Variants in CDK13 observed in about 807,000 individuals in gnomAD.
CDK13 encodes cyclin dependent kinase 13.
Under a neutral mutation model 137.6 loss-of-function variants are expected in CDK13, and 40 were observed. The observed-to-expected ratio is 0.29, with a 90% CI of 0.23 to 0.38. The LOEUF (loss-of-function observed/expected upper bound fraction) is 0.38. Among genes scored for constraint, CDK13 ranks in the 10% least tolerant of loss-of-function variants. The probability of loss-of-function intolerance (pLI) is 1.00; values close to 1 mark genes in which losing one functional copy is unlikely to be tolerated. For synonymous variants in CDK13, 869 were observed against 760.1 expected (o/e 1.14, Z -2.36); for missense variants, 1,704 against 1,951.8 (o/e 0.87, Z 2.39).
At chr7:40,069,512 G>T in intron 9 of CDK13, 1 of 308,832 alleles carries the variant, frequency 3.2e-6, no homozygotes, top group South Asian at 2.9e-5. Context: ...CATGCTTAGG[G>T]TTGTGAGAAT....
intron 1 of CDK13, among the ~76,000 whole-genome samples, chr7:39,962,485 T>G (rs1361802829): frequency 6.6e-6 from 1 of 152,216 alleles, no homozygotes; most frequent in African/African-American, 2.4e-5. Flanking sequence ...ATGGGGTTGT[T>G]TTTTTCTTGT....
At chr7:40,058,627 G>T (rs897636742) in intron 7 of CDK13, among the ~76,000 whole-genome samples, 30 of 152,138 alleles carry the variant, frequency 2.0e-4, no homozygotes, top group African/African-American at 7.0e-4. Flanking sequence ...TTAAGATATT[G>T]TTGTGGTCAT....
intron 5 of CDK13, among the ~76,000 whole-genome samples, chr7:40,011,483 C>T (rs926970076): frequency 2.0e-5 from 3 of 152,172 alleles, no homozygotes; most frequent in African/African-American, 7.2e-5. Context: ...ATTAATTCCA[C>T]ACATTTTATA....
chr7:40,058,714 G>C (rs1189014719), intron 7 of CDK13, among the ~76,000 whole-genome samples: 1 of 152,050 alleles, frequency 6.6e-6, no homozygotes, highest in African/African-American at 2.4e-5. Flanking sequence ...GGCAGAAGTT[G>C]TTTGGAAATT....
At chr7:40,062,765 C>T (rs1213537698) in intron 7 of CDK13, 61 bp from the exon 8 acceptor site, 1 of 1,166,154 alleles carries the variant, frequency 8.6e-7, no homozygotes, top group African/African-American at 1.5e-5. Context: ...AATATTTCCT[C>T]AGAGAATCTG....
chr7:39,977,014 G>A (rs1047798341), intron 1 of CDK13, among the ~76,000 whole-genome samples: 1 of 152,170 alleles, frequency 6.6e-6, no homozygotes, highest in East Asian at 1.9e-4. Context: ...GAAGTTAAGA[G>A]TTATCATAAG....
At chr7:40,086,233 C>T (rs887865030) in intron 11 of CDK13, among the ~76,000 whole-genome samples, 5 of 152,142 alleles carry the variant, frequency 3.3e-5, no homozygotes, top group African/African-American at 1.2e-4. Context: ...CTTGCTTAAA[C>T]AAGCAGGCCA....
intron 5 of CDK13, among the ~76,000 whole-genome samples, chr7:40,023,084 T>TA (rs1785161152): frequency 6.6e-6 from 1 of 151,512 alleles, no homozygotes. Context: ...TAGTACAACT[T>TA]ATACTTAACT....
At chr7:39,976,588 A>G (rs1373086568) in intron 1 of CDK13, among the ~76,000 whole-genome samples, 3 of 151,912 alleles carry the variant, frequency 2.0e-5, no homozygotes, top group Admixed American at 6.6e-5. Context: ...CATGGGGCAT[A>G]TATTCTAATA....
chr7:40,021,232 C>G (rs1297932760), intron 5 of CDK13, among the ~76,000 whole-genome samples: 1 of 152,012 alleles, frequency 6.6e-6, no homozygotes, highest in Non-Finnish European at 1.5e-5. Flanking sequence ...CGCGGTGGCT[C>G]ACGCCTGTAA....
chr7:40,040,337 G>A (rs1455127429), intron 5 of CDK13, among the ~76,000 whole-genome samples: 3 of 152,106 alleles, frequency 2.0e-5, no homozygotes, highest in Admixed American at 2.0e-4. Context: ...TTATCATATA[G>A]TAAAGGTCCA....
At chr7:40,064,412 G>T (rs1786231423) in intron 9 of CDK13, among the ~76,000 whole-genome samples, 1 of 151,996 alleles carries the variant, frequency 6.6e-6, no homozygotes, top group East Asian at 1.9e-4. Context: ...TATTGATAGG[G>T]GGTACAGATT....
At chr7:40,035,472 C>T (rs1785461787) in intron 5 of CDK13, among the ~76,000 whole-genome samples, 2 of 152,116 alleles carry the variant, frequency 1.3e-5, no homozygotes, top group African/African-American at 2.4e-5. Context: ...GCTCTTCCTG[C>T]TGTCAGATCA....
At chr7:40,018,762 G>A (rs1785053741) in intron 5 of CDK13, among the ~76,000 whole-genome samples, 1 of 152,138 alleles carries the variant, frequency 6.6e-6, no homozygotes, top group African/African-American at 2.4e-5. Flanking sequence ...CAGAAAGGGG[G>A]AGAGTGGGAG....
chr7:39,978,747 T>A (rs1489958907), intron 1 of CDK13, among the ~76,000 whole-genome samples: 1 of 152,184 alleles, frequency 6.6e-6, no homozygotes, highest in Non-Finnish European at 1.5e-5. Context: ...GACACAGCAT[T>A]TCTGACAAGC....
chr7:40,034,017 C>T (rs1490072654), intron 5 of CDK13, among the ~76,000 whole-genome samples: 5 of 152,112 alleles, frequency 3.3e-5, no homozygotes, highest in South Asian at 2.1e-4. Flanking sequence ...TGAAGTCAGG[C>T]CTTGTTAAGG....
At position 40,095,967 on chromosome 7, in the gene CDK13, T is replaced by C. The variant is rs2150549682; in HGVS notation, c.*987T>C. 1 of 152,306 alleles carries C rather than the reference T, an allele frequency of 6.6e-6. No individual in the cohort carries two copies. Among genetic ancestry groups the C allele is most frequent in the Admixed American group, 6.5e-5 (1 of 15,296 alleles). 9.4% of individuals were successfully genotyped at this position (152,306 alleles called of 1,614,324 possible). A position where few individuals can be genotyped will look rare whatever the true frequency, so the allele number is the denominator to read the frequency against. Reference sequence around the variant, plus strand: ...TGAGAAGTTCTACAAAGTTTTGTCATTTAAATGGTTGAAAGTAATAGCTCC... The same window carrying C: ...TGAGAAGTTCTACAAAGTTTTGTCACTTAAATGGTTGAAAGTAATAGCTCC... On this transcript the variant is annotated 3_prime_UTR_variant, in exon 14 of 14. Coordinates refer to ENST00000181839, the MANE Select transcript of CDK13 (RefSeq NM_003718.5).
intron 5 of CDK13, among the ~76,000 whole-genome samples, chr7:40,042,463 CTTTTCTTTTCTTTCTTTTTTTTT>C (rs1486031436): frequency 1.0e-4 from 14 of 140,274 alleles, no homozygotes; most frequent in African/African-American, 2.9e-4. Context: ...CCAGTTTGTC[CTTTTCTTTTCTTTCTTTTTTTTT>C]TTTTTTTTTT....
At chr7:39,991,484 AGTGTGTGTGTGTGT>A (rs66520870) in intron 2 of CDK13, among the ~76,000 whole-genome samples, 11 of 143,668 alleles carry the variant, frequency 7.7e-5, no homozygotes, top group South Asian at 6.8e-4. Context: ...CATTAGCAAA[AGTGTGTGTGTGTGT>A]GTGTGTGTGT....
Sources: allele counts gnomAD v4.1 joint callset (sites outside exome capture counted in the v4.1 genomes callset), GRCh38; gene constraint gnomAD v4.1.1; transcripts MANE v1.5; gene names NCBI Gene and HGNC (gene_info 2026-07-23, HGNC 2026-07-21).